The following THRB variants were observed in gnomAD, a reference collection of about 807,000 sequenced individuals.
THRB encodes thyroid hormone receptor beta, also known as nuclear receptor subfamily 1 group A member 2.
THRB carries 12 observed loss-of-function variants against 47.8 expected under a neutral mutation model. The observed-to-expected ratio is 0.25, with a 90% confidence interval of 0.16 to 0.41. The LOEUF is 0.41. Among genes scored for constraint, THRB ranks in the 10% least tolerant of loss-of-function variants. The pLI, the probability that THRB is intolerant of heterozygous loss-of-function variation, is 1.00. For missense variants in THRB, 348 were observed against 589.2 expected (o/e 0.59, Z 4.24); for synonymous variants, 218 against 212.2 (o/e 1.03, Z -0.24).
chr3:24,318,926 C>T (rs536568795), intron 2 of THRB, among the ~76,000 whole-genome samples: 2 of 152,240 alleles, frequency 1.3e-5, no homozygotes, highest in East Asian at 3.9e-4. Flanking sequence ...TTAGGAATTC[C>T]TCAAAAACCA....
intron 5 of THRB, among the ~76,000 whole-genome samples, chr3:24,185,368 A>C (rs2042437883): frequency 6.6e-6 from 1 of 152,230 alleles, no homozygotes; most frequent in African/African-American, 2.4e-5. Flanking sequence ...TGTAATAAGA[A>C]TGTGCAGTGC....
chr3:24,363,594 T>A (rs1180506503), intron 1 of THRB, among the ~76,000 whole-genome samples: 4 of 152,062 alleles, frequency 2.6e-5, no homozygotes, highest in Admixed American at 1.3e-4. Flanking sequence ...TTTCTCTAGA[T>A]CAAAAAAAAT....
intron 5 of THRB, among the ~76,000 whole-genome samples, chr3:24,178,565 T>G (rs2041474400): frequency 6.6e-6 from 1 of 152,190 alleles, no homozygotes; most frequent in Non-Finnish European, 1.5e-5. Context: ...CTGTATTTTG[T>G]CAAGAAATAT....
chr3:24,377,444 A>AG (rs5847288), intron 1 of THRB, among the ~76,000 whole-genome samples: 67,973 of 151,804 alleles, frequency 0.45, 15,416 homozygotes, highest in East Asian at 0.49. Context: ...TGTAAGGGTG[A>AG]GGGGCTGATG....
In THRB at chr3:24,275,601, C is replaced by T. The variant is rs1359371004; in HGVS notation, c.-43+21625G>A. Among the ~76,000 whole-genome samples, 11 of 152,240 alleles carry T rather than the reference C, an allele frequency of 7.2e-5. No homozygotes were observed. The South Asian group carries it at 1.0e-3, about 14-fold the overall frequency. ...CATGTCACTGTTTTGGGGGGCCATACTTCTGTTTCTTGTTAGATTCCAACA... is the reference window on the plus strand; with the variant it reads ...CATGTCACTGTTTTGGGGGGCCATATTTCTGTTTCTTGTTAGATTCCAACA... On this transcript the variant is annotated intron_variant, in intron 3 of 10. Transcript: ENST00000646209.
At chr3:24,185,118 A>ATAAGATATTG (rs1332715228) in intron 5 of THRB, among the ~76,000 whole-genome samples, 1 of 152,204 alleles carries the variant, frequency 6.6e-6, no homozygotes, top group East Asian at 1.9e-4. Context: ...CTTTGCTGAC[A>ATAAGATATTG]TAAGATATTG....
chr3:24,252,352 T>C (rs1365013008), intron 3 of THRB, among the ~76,000 whole-genome samples: 1 of 151,936 alleles, frequency 6.6e-6, no homozygotes, highest in African/African-American at 2.4e-5. Flanking sequence ...AAATTTACAA[T>C]ATAATAAAAA....
At position 24,143,638 on chromosome 3, in the gene THRB, G is replaced by A. The variant is rs754020660; in HGVS notation, c.601C>T (p.Arg201Trp). 3 of 1,614,042 alleles carry A rather than the reference G, an allele frequency of 1.9e-6. No homozygotes were observed. Among genetic ancestry groups the A allele is most frequent in the East Asian group, 2.2e-5 (1 of 44,886 alleles). Reference protein sequence around the residue: ...LIEENREKRRREELQKSIGHK... With the variant: ...LIEENREKRRWEELQKSIGHK... ...CCGATGGACTTCTGCAGCTCTTCCC[G>A]CCGTCTTTTCTCCCGGTTCTCCTCT... Residue 201 changes from arginine to tryptophan, a missense_variant, in exon 8 of 11, where the codon CGG becomes TGG. Around this residue, in one of 5 missense-constraint regions of THRB, gnomAD observed 112 missense variants for 212.3 expected, o/e 0.53. Transcript: ENST00000646209.
At chr3:24,402,308 T>G (rs1216661142) in intron 1 of THRB, among the ~76,000 whole-genome samples, 1 of 152,058 alleles carries the variant, frequency 6.6e-6, no homozygotes, top group African/African-American at 2.4e-5. Context: ...TTTCTTAATA[T>G]GTGAGGTTTA....
At chr3:24,177,532 G>A (rs2041324550) in intron 5 of THRB, among the ~76,000 whole-genome samples, 1 of 152,124 alleles carries the variant, frequency 6.6e-6, no homozygotes, top group Admixed American at 6.6e-5. Flanking sequence ...ATGTTCAGAA[G>A]CCACAATTAA....
At chr3:24,172,512 G>A (rs2149366584) in intron 5 of THRB, among the ~76,000 whole-genome samples, 2 of 152,106 alleles carry the variant, frequency 1.3e-5, no homozygotes, top group Middle Eastern at 6.8e-3. Flanking sequence ...AAAAGCTTTT[G>A]ATAGTTCTAG....
chr3:24,371,371 T>C (rs930288037), intron 1 of THRB, among the ~76,000 whole-genome samples: 1 of 152,120 alleles, frequency 6.6e-6, no homozygotes, highest in African/African-American at 2.4e-5. Flanking sequence ...AACATTATGT[T>C]TCAGACATGA....
At chr3:24,467,398 T>A (rs1320911497) in intron 1 of THRB, among the ~76,000 whole-genome samples, 1 of 152,256 alleles carries the variant, frequency 6.6e-6, no homozygotes, top group Non-Finnish European at 1.5e-5. Context: ...ATATCCTTAT[T>A]GGCATGTAGA....
At chr3:24,477,883 A>C (rs1162170810) in intron 1 of THRB, among the ~76,000 whole-genome samples, 1 of 150,472 alleles carries the variant, frequency 6.6e-6, no homozygotes, top group Non-Finnish European at 1.5e-5. Context: ...AAAGCTACTT[A>C]GGAATAGATT....
At chr3:24,231,341 GA>G (rs1351835272) in intron 3 of THRB, among the ~76,000 whole-genome samples, 15 of 152,050 alleles carry the variant, frequency 9.9e-5, no homozygotes, top group African/African-American at 3.6e-4. Context: ...ATAGGCATAT[GA>G]ACTATAGGAA....
intron 4 of THRB, among the ~76,000 whole-genome samples, chr3:24,208,809 A>G (rs2045690967): frequency 6.6e-6 from 1 of 150,718 alleles, no homozygotes; most frequent in South Asian, 2.1e-4. Context: ...CATGTCTAAA[A>G]CACCAAAAGC....
intron 2 of THRB, among the ~76,000 whole-genome samples, chr3:24,305,408 A>G (rs2057266663): frequency 6.6e-6 from 1 of 152,066 alleles, no homozygotes; most frequent in Non-Finnish European, 1.5e-5. Context: ...TAGCACCAAC[A>G]CCCTAGGGTT....
chr3:24,256,554 A>G (rs1298361940), intron 3 of THRB, among the ~76,000 whole-genome samples: 1 of 152,106 alleles, frequency 6.6e-6, no homozygotes, highest in Non-Finnish European at 1.5e-5. Context: ...TGTTTTTGAG[A>G]GAGGGAAAAA....
chr3:24,208,368 G>A (rs191483686), intron 4 of THRB, among the ~76,000 whole-genome samples: 78 of 152,108 alleles, frequency 5.1e-4, no homozygotes, highest in South Asian at 1.7e-3. Context: ...CATATGGAAC[G>A]AAAAAAGAGC....
Sources: allele counts gnomAD v4.1 joint callset (sites outside exome capture counted in the v4.1 genomes callset), GRCh38; gene constraint gnomAD v4.1.1; regional missense constraint gnomAD v4.1.1; transcripts MANE v1.5; gene names NCBI Gene and HGNC (gene_info 2026-07-23, HGNC 2026-07-21).